The following PDK3 variants were observed in gnomAD, a reference collection of about 807,000 sequenced individuals.
PDK3 encodes the protein pyruvate dehydrogenase kinase, isozyme 3.
A neutral mutation model predicts 32.0 loss-of-function variants in PDK3; 12 were observed. That is an observed-to-expected ratio of 0.37 (90% CI 0.24 to 0.61). The LOEUF is 0.61. Among genes scored for constraint, PDK3 ranks in the 20% least tolerant of loss-of-function variants. The probability of loss-of-function intolerance (pLI) is 0.65; values close to 1 mark genes in which losing one functional copy is unlikely to be tolerated. For synonymous variants in PDK3, 122 were observed against 116.3 expected (o/e 1.05, Z -0.31); for missense variants, 188 against 316.9 (o/e 0.59, Z 3.09).
At chrX:24,549,037 G>A (rs947335231) in exon 12 of PDK3, 1 of 111,641 alleles carries the variant, frequency 9.0e-6, no homozygotes, top group African/African-American at 3.3e-5. Flanking sequence ...AGGAAAAACC[G>A]ACTTATGCCT....
At chrX:24,545,455 GC>G (rs1318895898) in exon 12 of PDK3, 1 of 111,601 alleles carries the variant, frequency 9.0e-6, no homozygotes, top group Non-Finnish European at 1.9e-5. Flanking sequence ...GTTTTATTTG[GC>G]CTGTTTGTAG....
exon 12 of PDK3, chrX:24,549,204 C>T (rs973772132): frequency 1.8e-5 from 2 of 110,933 alleles, no homozygotes; most frequent in African/African-American, 6.6e-5. Context: ...TTGTAACCAG[C>T]GTTAAAAAAA....
chrX:24,486,632 T>A (rs760004696), intron 1 of PDK3, among the ~76,000 whole-genome samples: 1 of 110,700 alleles, frequency 9.0e-6, no homozygotes, highest in Admixed American at 9.6e-5. Flanking sequence ...GACTCACTCT[T>A]TTTGTTTTTG....
chrX:24,487,841 C>T (rs1160354998), intron 1 of PDK3, among the ~76,000 whole-genome samples: 1 of 109,356 alleles, frequency 9.1e-6, no homozygotes, highest in Non-Finnish European at 1.9e-5. Context: ...TTTTAGGAGG[C>T]ATGGTCTCTG....
chrX:24,501,240 T>G (rs561230199), intron 3 of PDK3, among the ~76,000 whole-genome samples: 3 of 111,653 alleles, frequency 2.7e-5, no homozygotes, highest in African/African-American at 9.7e-5. Context: ...GCGTAAAATA[T>G]TTTTACAAAC....
chrX:24,535,603 T>C (rs1053557836), downstream of PDK3, among the ~76,000 whole-genome samples: 4 of 111,247 alleles, frequency 3.6e-5, no homozygotes, highest in South Asian at 3.8e-4. Flanking sequence ...AACCCAGAGA[T>C]TGCCACTGCT....
At chrX:24,512,998 T>G (rs996117371) in intron 5 of PDK3, among the ~76,000 whole-genome samples, 1 of 111,800 alleles carries the variant, frequency 8.9e-6, no homozygotes, top group Non-Finnish European at 1.9e-5. Context: ...TCACCCCAAC[T>G]GTCTTGATCC....
intron 1 of PDK3, 61 bp from the exon 2 acceptor site, chrX:24,494,681 G>A (rs966009662): frequency 2.0e-5 from 17 of 865,754 alleles, no homozygotes; most frequent in South Asian, 7.4e-5. Context: ...TACCGTGGGA[G>A]CACTTTATTT....
chrX:24,515,800 CTT>C (rs937835144), intron 5 of PDK3, among the ~76,000 whole-genome samples: 1 of 111,422 alleles, frequency 9.0e-6, no homozygotes, highest in Non-Finnish European at 1.9e-5. Flanking sequence ...AAATTTTTAA[CTT>C]TTTTTTCAGG....
chrX:24,518,500 A>G (rs1042583433), intron 5 of PDK3, among the ~76,000 whole-genome samples: 2 of 111,052 alleles, frequency 1.8e-5, no homozygotes, highest in African/African-American at 3.3e-5. Context: ...AAACAAACGA[A>G]CAAACAAACA....
At chrX:24,528,568 G>T (rs1024259031) in intron 9 of PDK3, among the ~76,000 whole-genome samples, 2 of 112,745 alleles carry the variant, frequency 1.8e-5, no homozygotes, top group Non-Finnish European at 3.7e-5. Flanking sequence ...TTGGTCCTGC[G>T]CACTCTGGCG....
downstream of PDK3, among the ~76,000 whole-genome samples, chrX:24,536,037 GAAGGA>G (rs777125807): frequency 1.8e-5 from 2 of 108,820 alleles, no homozygotes; most frequent in Non-Finnish European, 3.8e-5. Flanking sequence ...GGAGGGAAGG[GAAGGA>G]AAGGAAAGGA....
chrX:24,479,988 CAT>C (rs1388542323), intron 1 of PDK3, among the ~76,000 whole-genome samples: 2 of 111,224 alleles, frequency 1.8e-5, no homozygotes, highest in African/African-American at 3.3e-5. Flanking sequence ...AGTAGAGCCA[CAT>C]GTCTGCCCGC....
intron 6 of PDK3, among the ~76,000 whole-genome samples, chrX:24,523,222 C>T (rs1162790362): frequency 8.9e-5 from 10 of 111,931 alleles, no homozygotes; most frequent in African/African-American, 2.6e-4. Flanking sequence ...TTTCTTTAAA[C>T]GGGCATTAAT....
At chrX:24,539,220 CAG>C (rs1922840682), downstream of PDK3, 1 of 796,851 alleles carries the variant, frequency 1.3e-6, no homozygotes, top group Non-Finnish European at 1.9e-6. Flanking sequence ...GCAAGTCAAA[CAG>C]AGAGAACTGC....
intron 2 of PDK3, among the ~76,000 whole-genome samples, chrX:24,497,306 A>G (rs1407418530): frequency 1.8e-5 from 2 of 111,142 alleles, no homozygotes; most frequent in African/African-American, 6.6e-5. Flanking sequence ...TTTTTTTGAG[A>G]TGGAGTCTTG....
chrX:24,534,360 G>A lies in PDK3; in HGVS notation c.*288G>A. 2.7e-6 allele frequency: 1 copy of A among 367,132 alleles called. No individual in the cohort carries two copies. Among genetic ancestry groups the A allele is most frequent in the Non-Finnish European group, 3.9e-6 (1 of 253,876 alleles). 30.3% of individuals were successfully genotyped at this position (367,132 alleles called of 1,213,427 possible). ...AAGGAAGGACATTCTGATATGTGCT[G>A]CAACATGGGTGAATCTTGAAGTCAT... is the stretch of plus-strand genomic sequence containing the variant. On this transcript the variant is annotated 3_prime_UTR_variant, in exon 11 of 11. Coordinates refer to ENST00000379162, the MANE Select transcript of PDK3 (RefSeq NM_005391.5).
chrX:24,530,061 C>T (rs1266430105), intron 9 of PDK3, among the ~76,000 whole-genome samples: 12 of 111,711 alleles, frequency 1.1e-4, no homozygotes, highest in East Asian at 2.8e-4. Context: ...TCGGAGTTCT[C>T]GGCTCTTCTG....
chrX:24,541,335 C>T (rs1922890931), exon 12 of PDK3, among the ~76,000 whole-genome samples: 1 of 111,065 alleles, frequency 9.0e-6, no homozygotes, highest in South Asian at 3.8e-4. Flanking sequence ...GGGGGTGCTG[C>T]CTACTGCCTG....
Sources: allele counts gnomAD v4.1 joint callset (sites outside exome capture counted in the v4.1 genomes callset), GRCh38; gene constraint gnomAD v4.1.1; transcripts MANE v1.5; gene names NCBI Gene and HGNC (gene_info 2026-07-23, HGNC 2026-07-21).